Variants in CTNNA2 observed in about 807,000 individuals in gnomAD.
CTNNA2 encodes catenin alpha-2.
A neutral mutation model predicts 101.0 loss-of-function variants in CTNNA2; 42 were observed. That is an observed-to-expected ratio of 0.42 (90% CI 0.32 to 0.54). The LOEUF (loss-of-function observed/expected upper bound fraction) is 0.54. CTNNA2 is among the 20% of genes least tolerant of loss of function. The pLI is 0.14. For synonymous variants in CTNNA2, 450 were observed against 456.4 expected, an observed-to-expected ratio of 0.99 and a Z score of 0.18; for missense variants, 871 against 1,223.1, an observed-to-expected ratio of 0.71 and a Z score of 4.29.
At chr2:79,208,509 A>C in intron 2 of CTNNA2, among the ~76,000 whole-genome samples, 1 of 152,202 alleles carries the variant, frequency 6.6e-6, no homozygotes, top group East Asian at 1.9e-4. Context: ...GATATGCTGG[A>C]AAGTATACGT....
At chr2:79,816,523 G>T (rs372105745) in intron 3 of CTNNA2, among the ~76,000 whole-genome samples, 2 of 152,064 alleles carry the variant, frequency 1.3e-5, no homozygotes, top group South Asian at 4.1e-4. Context: ...AATATAAAAA[G>T]AATGAGAAGA....
chr2:79,961,593 C>T (rs1164861495), intron 7 of CTNNA2, among the ~76,000 whole-genome samples: 4 of 152,058 alleles, frequency 2.6e-5, no homozygotes, highest in African/African-American at 4.8e-5. Flanking sequence ...GAGGCTGAGG[C>T]GGGCGGATCA....
intron 6 of CTNNA2, among the ~76,000 whole-genome samples, chr2:79,893,990 TTTCTTC>T (rs60336887): frequency 0.075 from 8,612 of 114,576 alleles, 441 homozygotes; most frequent in Middle Eastern, 0.095. Context: ...CTTAGGCTGT[TTTCTTC>T]TTCTTCTTCT....
At chr2:79,575,703 G>A (rs1331269007) in intron 1 of CTNNA2, 2 of 152,180 alleles carry the variant, frequency 1.3e-5, no homozygotes, top group African/African-American at 4.8e-5. Context: ...TCACAATGCA[G>A]CTAAGTGCAT....
chr2:80,316,184 C>G (rs1319508066), intron 7 of CTNNA2, among the ~76,000 whole-genome samples: 1 of 152,102 alleles, frequency 6.6e-6, no homozygotes, highest in Non-Finnish European at 1.5e-5. Flanking sequence ...GGTTGCTTCA[C>G]AGCGTGAATA....
chr2:79,873,917 A>G (rs1682792648), intron 5 of CTNNA2, among the ~76,000 whole-genome samples, 159 bp from the exon 6 acceptor site: 1 of 152,128 alleles, frequency 6.6e-6, no homozygotes, highest in Admixed American at 6.5e-5. Context: ...AAAACAGACA[A>G]ACAAACAAAA....
rs757993915 is a variant in CTNNA2 at position 80,302,474 on chromosome 2, G to A, written c.1057-90737G>A. 6.2e-7 allele frequency: 1 copy of A among 1,614,044 alleles called. No individual in the cohort carries two copies. The highest frequency in any genetic ancestry group is 8.5e-7 in the Non-Finnish European group (1 of 1,180,044). On this transcript the variant is annotated intron_variant, in intron 7 of 18. Coordinates refer to ENST00000402739, the MANE Select transcript of CTNNA2 (RefSeq NM_001282597.3). The surrounding 1 kb of genome is among the most constrained non-coding windows in gnomAD (Gnocchi z 6.4). ...GAGGCTGGCTGGGAAACACTTCCAG[G>A]ACACGTAGAGCACCAGGACCACGAT...
intron 7 of CTNNA2, among the ~76,000 whole-genome samples, chr2:79,915,825 A>G (rs936015415): frequency 1.3e-5 from 2 of 152,166 alleles, no homozygotes; most frequent in Non-Finnish European, 2.9e-5. Flanking sequence ...TTGGCTGTAT[A>G]TTACTGCCGA....
chr2:79,754,275 C>T (rs1334328244), intron 3 of CTNNA2, among the ~76,000 whole-genome samples: 2 of 151,138 alleles, frequency 1.3e-5, no homozygotes, highest in African/African-American at 4.9e-5. Flanking sequence ...AGAAAGTTCT[C>T]CTTCACATAT....
intron 1 of CTNNA2, among the ~76,000 whole-genome samples, chr2:79,518,149 G>A (rs780373738): frequency 5.3e-5 from 8 of 152,156 alleles, no homozygotes; most frequent in Non-Finnish European, 1.2e-4. Flanking sequence ...TTTAAAACTA[G>A]AGCATGGATA....
At chr2:80,389,349 G>A (rs537666191) in intron 7 of CTNNA2, among the ~76,000 whole-genome samples, 2 of 152,148 alleles carry the variant, frequency 1.3e-5, no homozygotes, top group South Asian at 4.2e-4. Flanking sequence ...GGGGTAAATG[G>A]TTAGTCAAGG....
At chr2:79,412,173 T>A (rs1678421340) in intron 4 of CTNNA2, among the ~76,000 whole-genome samples, 1 of 152,118 alleles carries the variant, frequency 6.6e-6, no homozygotes, top group Non-Finnish European at 1.5e-5. Flanking sequence ...GGTAAAGGGA[T>A]GAATTCAACA....
intron 2 of CTNNA2, among the ~76,000 whole-genome samples, chr2:79,711,023 G>A (rs146924405): frequency 2.4e-3 from 364 of 152,150 alleles, no homozygotes; most frequent in South Asian, 0.012. Context: ...CATAAAATGC[G>A]CTCATTTTCT....
intron 7 of CTNNA2, among the ~76,000 whole-genome samples, chr2:79,925,764 C>T (rs1023640084): frequency 1.3e-5 from 2 of 151,950 alleles, no homozygotes; most frequent in African/African-American, 4.8e-5. Flanking sequence ...ATCCCTGACA[C>T]TAATTGAATT....
intron 15 of CTNNA2, among the ~76,000 whole-genome samples, chr2:80,592,010 C>T (rs567815908): frequency 1.1e-4 from 17 of 152,044 alleles, no homozygotes; most frequent in African/African-American, 1.7e-4. Flanking sequence ...AGAAAGAAAT[C>T]GCATGTTGCT....
chr2:80,347,498 C>T (rs1672848991), intron 7 of CTNNA2, among the ~76,000 whole-genome samples: 1 of 152,128 alleles, frequency 6.6e-6, no homozygotes. Flanking sequence ...AACGATCCAA[C>T]CTAATTCATT....
intron 7 of CTNNA2, among the ~76,000 whole-genome samples, chr2:79,939,189 C>A (rs1318946019): frequency 6.6e-6 from 1 of 152,108 alleles, no homozygotes; most frequent in African/African-American, 2.4e-5. Flanking sequence ...AAAAAATATT[C>A]AAGGCACAGC....
intron 9 of CTNNA2, among the ~76,000 whole-genome samples, chr2:80,426,931 A>G (rs1241311983): frequency 6.6e-6 from 1 of 152,034 alleles, no homozygotes; most frequent in African/African-American, 2.4e-5. Flanking sequence ...AGGTGGGATC[A>G]GTTCCTTACG....
At chr2:80,066,825 T>A (rs1463681302) in intron 7 of CTNNA2, among the ~76,000 whole-genome samples, 1 of 152,178 alleles carries the variant, frequency 6.6e-6, no homozygotes, top group Non-Finnish European at 1.5e-5. Flanking sequence ...GCCAAAATAT[T>A]GAATCAACCT....
Sources: gnomAD v4.1 joint callset for allele counts (sites outside exome capture counted in the v4.1 genomes callset) on GRCh38, gnomAD v4.1.1 for gene constraint, Gnocchi (gnomAD v3.1) non-coding constraint, MANE v1.5 for transcripts, NCBI Gene and HGNC (gene_info 2026-07-23, HGNC 2026-07-21) for gene names.